Variants in LEPROT observed in about 807,000 individuals in gnomAD.
LEPROT encodes leptin receptor gene-related protein.
In LEPROT, 3 loss-of-function variants were observed where a neutral mutation model predicts 15.4. The observed-to-expected ratio is 0.19, with a 90% CI of 0.09 to 0.50. The LOEUF is 0.50. Among genes scored for constraint, LEPROT ranks in the 20% least tolerant of loss-of-function variants. LEPROT has a pLI of 0.97. For missense variants in LEPROT, 137 were observed against 162.2 expected, an observed-to-expected ratio of 0.84 and a Z score of 0.84; for synonymous variants, 59 against 57.5, an observed-to-expected ratio of 1.03 and a Z score of -0.12.
chr1:65,433,787 T>C lies in LEPROT; in HGVS notation c.*1868T>C, dbSNP rs1295127074. ...CTTGCATTTATTGTATTGTAATAAA[T>C]TTCACTTTTAACTTTAAAAGTTTAA... is the stretch of plus-strand genomic sequence containing the variant. On this transcript the variant is annotated 3_prime_UTR_variant, in exon 4 of 4. Transcript: ENST00000371065. 15 of 953,706 alleles carry C rather than the reference T, an allele frequency of 1.6e-5. No homozygotes were observed. Among genetic ancestry groups the C allele is most frequent in the Non-Finnish European group, 1.9e-5 (15 of 801,468 alleles). The allele number at this position is 953,706 out of a possible 1,614,324, so 59.1% of individuals were successfully genotyped here. A position where few individuals can be genotyped will look rare whatever the true frequency, so the allele number is the denominator to read the frequency against.
Position 65,432,876 on chromosome 1 carries a change from T to C in LEPROT, c.*957T>C, listed in dbSNP as rs1646505782. ...TAATTAGTGTAATCATTCCACCTTA[T>C]ATTCAAAAATCATAAAACCGTATTG... is the stretch of plus-strand genomic sequence containing the variant. On this transcript the variant is annotated 3_prime_UTR_variant, in exon 4 of 4. Transcript: ENST00000371065. 1.2e-6 allele frequency: 1 copy of C among 800,498 alleles called. No individual in the cohort carries two copies. Among genetic ancestry groups the C allele is most frequent in the South Asian group, 5.7e-5 (1 of 17,642 alleles). The allele number at this position is 800,498 out of a possible 1,614,324, so 49.6% of individuals were successfully genotyped here. A position where few individuals can be genotyped will look rare whatever the true frequency, so the allele number is the denominator to read the frequency against.
At chr1:65,423,375 A>G (rs1466687747) in intron 1 of LEPROT, among the ~76,000 whole-genome samples, 1 of 151,912 alleles carries the variant, frequency 6.6e-6, no homozygotes, top group Non-Finnish European at 1.5e-5. Context: ...AAAAAAGAGG[A>G]AAAAAAAGAC....
At chr1:65,425,442 G>C in intron 2 of LEPROT, 64 bp downstream of exon 2, 1 of 1,403,514 alleles carries the variant, frequency 7.1e-7, no homozygotes, top group East Asian at 2.4e-5. Flanking sequence ...TAGTATGGGT[G>C]TTAGAGAGTT....
intron 1 of LEPROT, among the ~76,000 whole-genome samples, chr1:65,421,102 C>T (rs1374091053): frequency 6.6e-6 from 1 of 152,212 alleles, no homozygotes; most frequent in Non-Finnish European, 1.5e-5. Flanking sequence ...TTTTCTGCCC[C>T]TCCGCAGTTT....
At chr1:65,421,399 C>T in intron 1 of LEPROT, 1 of 1,536,078 alleles carries the variant, frequency 6.5e-7, no homozygotes, top group Non-Finnish European at 8.7e-7. Flanking sequence ...CGTCCCTTAT[C>T]TGTATGGCTT....
chr1:65,431,670 G>A (rs542853814), intron 3 of LEPROT, 133 bp from the exon 4 acceptor site: 2 of 846,544 alleles, frequency 2.4e-6, no homozygotes, highest in African/African-American at 3.4e-5. Context: ...ATTGTCTCCT[G>A]TTACATTATT....
intron 2 of LEPROT, chr1:65,427,729 G>C (rs1297524999): frequency 2.7e-6 from 1 of 363,650 alleles, no homozygotes; most frequent in South Asian, 2.1e-5. Context: ...ACTCATTACT[G>C]CTACTACAAA....
chr1:65,425,324 G>T lies in LEPROT; in HGVS notation c.38G>T (p.Ser13Ile). 6.2e-7 allele frequency: 1 copy of T among 1,611,446 alleles called. No homozygotes were observed. The highest frequency in any genetic ancestry group is 8.5e-7 in the Non-Finnish European group (1 of 1,179,362). The change falls in exon 2 of 4, where the codon AGT becomes ATT. Residue 13 changes from serine to isoleucine, a missense_variant. Transcript: ENST00000371065. ...GVKALVALSF[S>I]GAIGLTFLML... is the part of the protein sequence containing the mutation. Reference sequence around the variant, plus strand: ...ACAGCTCTCGTGGCATTATCCTTCAGTGGGGCTATTGGACTGACTTTTCTT... The same window carrying T: ...ACAGCTCTCGTGGCATTATCCTTCATTGGGGCTATTGGACTGACTTTTCTT...
intron 1 of LEPROT, chr1:65,421,549 C>G: frequency 1.4e-6 from 2 of 1,424,994 alleles, no homozygotes. Context: ...AATTTGCACC[C>G]AAAGATATCC....
rs1646544925 is a variant in LEPROT, at chr1:65,435,362, T to TCTTC, written c.*3443_*3444insCTTC. The TCTTC allele has an allele frequency of 1.1e-6, 1 of 907,860 alleles. No homozygotes were observed. Among genetic ancestry groups the TCTTC allele is most frequent in the Non-Finnish European group, 1.3e-6 (1 of 786,260 alleles). 56.2% of individuals were successfully genotyped at this position (907,860 alleles called of 1,614,324 possible). ...GTGGTGTCACAAAATGTGCCTTTTCTTTTCTTTTTTTTTTTTTTTTTTTGA... is the reference window on the plus strand; with the variant it reads ...GTGGTGTCACAAAATGTGCCTTTTCTCTTCTTTCTTTTTTTTTTTTTTTTTTTGA... On this transcript the variant is annotated 3_prime_UTR_variant, in exon 4 of 4. Coordinates refer to ENST00000371065, the MANE Select transcript of LEPROT (RefSeq NM_017526.5).
chr1:65,429,858 A>G lies in LEPROT; in HGVS notation c.93-4A>G. ...TTTGGATTTTGCCTGGGTCCAACTG[A>G]CAGCGTTTACTGGCCCTTATTCGTC... On this transcript the variant is annotated splice_polypyrimidine_tract_variant and splice_region_variant and intron_variant, in intron 2 of 3. Transcript: ENST00000371065. 1 of 1,459,478 alleles carries G rather than the reference A, an allele frequency of 6.9e-7. No homozygotes were observed. Among genetic ancestry groups the G allele is most frequent in the Non-Finnish European group, 9.2e-7 (1 of 1,088,764 alleles). The allele number at this position is 1,459,478 out of a possible 1,614,324, so 90.4% of individuals were successfully genotyped here.
At position 65,433,590 on chromosome 1, in the gene LEPROT, A is replaced by T. The variant is rs1012993786; in HGVS notation, c.*1671A>T. On this transcript the variant is annotated 3_prime_UTR_variant, in exon 4 of 4. Transcript: ENST00000371065. ...TATGATGCTGGGACTGGAAAATAGA[A>T]AGTAATAACTAAAGGGTTAATGTGC... The T allele has an allele frequency of 4.5e-5, 44 of 985,412 alleles. No homozygotes were observed. Among genetic ancestry groups the T allele is most frequent in the Middle Eastern group, 1.0e-3 (2 of 1,914 alleles). 61.0% of individuals were successfully genotyped at this position (985,412 alleles called of 1,614,324 possible).
chr1:65,420,827 C>T, intron 1 of LEPROT, 87 bp downstream of exon 1: 1 of 1,477,338 alleles, frequency 6.8e-7, no homozygotes, highest in East Asian at 2.6e-5. Flanking sequence ...TTCCGCGCGC[C>T]GTTGGGGAAC....
In LEPROT at chr1:65,431,654, C is replaced by G. The variant is rs994881537; in HGVS notation, c.280-149C>G. ...AGAAGTAATTAGACTCATTACTGAACAGTTCATTGTCTCCTGTTACATTAT... is the reference window on the plus strand; with the variant it reads ...AGAAGTAATTAGACTCATTACTGAAGAGTTCATTGTCTCCTGTTACATTAT... On this transcript the variant is annotated intron_variant, in intron 3 of 3. Coordinates refer to ENST00000371065, the MANE Select transcript of LEPROT (RefSeq NM_017526.5). 23 of 698,638 alleles carry G rather than the reference C, an allele frequency of 3.3e-5. No homozygotes were observed. In the African/African-American group the frequency reaches 4.0e-4, roughly 12 times the overall value. 43.3% of individuals were successfully genotyped at this position (698,638 alleles called of 1,614,324 possible). A position where few individuals can be genotyped will look rare whatever the true frequency, so the allele number is the denominator to read the frequency against.
At chr1:65,430,572 C>G (rs1162472301) in intron 3 of LEPROT, among the ~76,000 whole-genome samples, 1 of 152,152 alleles carries the variant, frequency 6.6e-6, no homozygotes, top group Non-Finnish European at 1.5e-5. Context: ...ATAATTTATT[C>G]AATTATTTGC....
chr1:65,425,499 G>C, intron 2 of LEPROT, 121 bp downstream of exon 2: 1 of 724,296 alleles, frequency 1.4e-6, no homozygotes, highest in Non-Finnish European at 2.2e-6. Context: ...GTGGAGCCCA[G>C]TTTATGAACA....
rs932101258 is a variant in LEPROT, at chr1:65,432,047, A to G, written c.*128A>G. On this transcript the variant is annotated 3_prime_UTR_variant, in exon 4 of 4. Coordinates refer to ENST00000371065, the MANE Select transcript of LEPROT (RefSeq NM_017526.5). ...TTTAATACCTTTATATATCATGTTC[A>G]CTTTAAGAAAGACTTCATAAGTAGG... is the stretch of plus-strand genomic sequence containing the variant. 1.1e-5 allele frequency: 15 copies of G among 1,377,984 alleles called. No individual in the cohort carries two copies. The African/African-American group carries it at 1.9e-4, about 18-fold the overall frequency. 85.4% of individuals were successfully genotyped at this position (1,377,984 alleles called of 1,614,324 possible).
At chr1:65,426,773 C>A (rs1197944280) in intron 2 of LEPROT, among the ~76,000 whole-genome samples, 1 of 151,752 alleles carries the variant, frequency 6.6e-6, no homozygotes, top group African/African-American at 2.4e-5. Flanking sequence ...CTGAGGCGGG[C>A]AGATCACGAG....
At position 65,435,662 on chromosome 1, in the gene LEPROT, C is replaced by T. The variant is rs113256767; in HGVS notation, c.*3743C>T. ...GATTACAGGCCTGAGCCACTGTGCC[C>T]AGCCAAAATGTGCCTTTGCAAAGTT... On this transcript the variant is annotated 3_prime_UTR_variant, in exon 4 of 4. Transcript: ENST00000371065. 0.02 allele frequency: 19,941 copies of T among 985,064 alleles called. 241 individuals are homozygous for T. Among genetic ancestry groups the T allele is most frequent in the Non-Finnish European group, 0.023 (18,898 of 829,604 alleles). 61.0% of individuals were successfully genotyped at this position (985,064 alleles called of 1,614,324 possible).
Sources: allele counts gnomAD v4.1 joint callset (sites outside exome capture counted in the v4.1 genomes callset), GRCh38; gene constraint gnomAD v4.1.1; transcripts MANE v1.5; gene names NCBI Gene and HGNC (gene_info 2026-07-23, HGNC 2026-07-21).